The following TJP2 variants were observed in gnomAD, a reference collection of about 807,000 sequenced individuals.
The protein encoded by TJP2 is tight junction protein 2.
In TJP2, 91 loss-of-function variants were observed where a neutral mutation model predicts 133.1. That is an observed-to-expected ratio of 0.68 (90% CI 0.58 to 0.81). The LOEUF (loss-of-function observed/expected upper bound fraction) is 0.81. TJP2 is among the 40% of genes least tolerant of loss of function. The probability of loss-of-function intolerance (pLI) is 0.00; values close to 1 mark genes in which losing one functional copy is unlikely to be tolerated. For missense variants in TJP2, 1,541 were observed against 1,565.6 expected, an observed-to-expected ratio of 0.98 and a Z score of 0.26; for synonymous variants, 592 against 583.4, an observed-to-expected ratio of 1.01 and a Z score of -0.21.
chr9:69,238,034 G>A, intron 15 of TJP2, 61 bp downstream of exon 15: 1 of 1,233,298 alleles, frequency 8.1e-7, no homozygotes, highest in Non-Finnish European at 1.2e-6. Context: ...TCTAACAGAG[G>A]AGTTGGAAGA....
intron 1 of TJP2, among the ~76,000 whole-genome samples, chr9:69,191,448 G>A (rs1415297950): frequency 1.3e-5 from 2 of 152,232 alleles, no homozygotes; most frequent in Non-Finnish European, 2.9e-5. Context: ...AAACTTCAGA[G>A]TAACAATAAA....
chr9:69,205,624 CTTA>C (rs897222086), intron 1 of TJP2, among the ~76,000 whole-genome samples: 2 of 152,194 alleles, frequency 1.3e-5, no homozygotes, highest in African/African-American at 4.8e-5. Context: ...AATCTATATT[CTTA>C]TTATGTCTAG....
At chr9:69,218,970 A>ATTTTT (rs749157849) in intron 4 of TJP2, among the ~76,000 whole-genome samples, 1 of 59,774 alleles carries the variant, frequency 1.7e-5, no homozygotes, top group African/African-American at 6.4e-5. Context: ...GTGTGTGTGT[A>ATTTTT]TTTTTTTTTT....
At chr9:69,124,022 C>T (rs1422679226) in intron 1 of TJP2, among the ~76,000 whole-genome samples, 1 of 74,944 alleles carries the variant, frequency 1.3e-5, no homozygotes, top group African/African-American at 4.1e-5. Context: ...CACCCGCCAC[C>T]ACGCCCGGCT....
chr9:69,229,854 T>C (rs1829635360), intron 10 of TJP2, among the ~76,000 whole-genome samples: 2 of 152,356 alleles, frequency 1.3e-5, no homozygotes, highest in South Asian at 4.1e-4. Context: ...GTAAAGATTC[T>C]ATAATTCTAT....
intron 1 of TJP2, among the ~76,000 whole-genome samples, chr9:69,207,233 A>C (rs1827503386): frequency 1.3e-5 from 2 of 152,242 alleles, no homozygotes; most frequent in African/African-American, 4.8e-5. Context: ...TTGTAAATGT[A>C]CAGTTCAGTA....
intron 1 of TJP2, among the ~76,000 whole-genome samples, chr9:69,132,738 G>T (rs1349903202): frequency 6.6e-6 from 1 of 152,192 alleles, no homozygotes; most frequent in Non-Finnish European, 1.5e-5. Flanking sequence ...TAGAGGGAAT[G>T]AATGAGGAAA....
At chr9:69,182,492 GA>G (rs1353071756) in intron 1 of TJP2, among the ~76,000 whole-genome samples, 1 of 152,186 alleles carries the variant, frequency 6.6e-6, no homozygotes, top group Admixed American at 6.5e-5. Flanking sequence ...AGGTCTGAGA[GA>G]AATATTTAGT....
At chr9:69,164,920 C>T (rs2132873652) in intron 2 of TJP2, among the ~76,000 whole-genome samples, 1 of 152,138 alleles carries the variant, frequency 6.6e-6, no homozygotes, top group East Asian at 1.9e-4. Context: ...AACTCCGCCT[C>T]CCAGGTTCAA....
At chr9:69,139,977 C>T (rs1003542895) in intron 1 of TJP2, among the ~76,000 whole-genome samples, 1 of 152,150 alleles carries the variant, frequency 6.6e-6, no homozygotes, top group African/African-American at 2.4e-5. Flanking sequence ...AGTAGGCGAC[C>T]GCTGCCGTGA....
At chr9:69,144,301 C>G (rs1823124855) in intron 1 of TJP2, among the ~76,000 whole-genome samples, 1 of 152,128 alleles carries the variant, frequency 6.6e-6, no homozygotes, top group Non-Finnish European at 1.5e-5. Context: ...AAGAAACTTG[C>G]TATTGAGGAA....
chr9:69,220,767 C>T, intron 4 of TJP2, 120 bp from the exon 5 acceptor site: 4 of 941,140 alleles, frequency 4.3e-6, no homozygotes, highest in Non-Finnish European at 6.7e-6. Flanking sequence ...GGAACCTGAA[C>T]CTTAGTGAGT....
chr9:69,214,683 A>T (rs191652593), intron 2 of TJP2, among the ~76,000 whole-genome samples: 1 of 152,088 alleles, frequency 6.6e-6, no homozygotes, highest in Non-Finnish European at 1.5e-5. Context: ...CCTGGCCAAC[A>T]TGGTGAAACC....
At chr9:69,162,905 G>A (rs1034141019) in intron 2 of TJP2, among the ~76,000 whole-genome samples, 1 of 152,102 alleles carries the variant, frequency 6.6e-6, no homozygotes, top group Non-Finnish European at 1.5e-5. Context: ...AAATCCAAAT[G>A]TGTGTTTGTA....
Position 69,225,351 on chromosome 9 carries a change from C to A in TJP2, c.1000C>A (p.Arg334=). ...TCAGATCTTCGTAAAGGAAATGACC[C>A]GAACGGGTCTGGCAACTAAAGATGG... is the stretch of plus-strand genomic sequence containing the variant. ...GSQIFVKEMT[R]TGLATKDGNL... The change falls in exon 6 of 23, where the codon CGA becomes AGA. Residue 334 remains arginine, a synonymous_variant. Transcript: ENST00000377245. 2 of 1,613,874 alleles carry A rather than the reference C, an allele frequency of 1.2e-6. No homozygotes were observed. The highest frequency in any genetic ancestry group is 2.2e-5 in the South Asian group (2 of 91,036).
intron 2 of TJP2, among the ~76,000 whole-genome samples, chr9:69,158,301 C>G (rs1389537060): frequency 3.4e-5 from 4 of 116,198 alleles, no homozygotes; most frequent in African/African-American, 1.3e-4. Flanking sequence ...GCACTCCAGC[C>G]TGAGGGACAG....
chr9:69,205,355 C>A (rs1376543131), intron 1 of TJP2: 1 of 1,493,882 alleles, frequency 6.7e-7, no homozygotes, highest in Non-Finnish European at 8.9e-7. Context: ...CTTCTGGCAT[C>A]TTTCAGCAAC....
chr9:69,204,749 G>GT, intron 1 of TJP2: 1 of 890,754 alleles, frequency 1.1e-6, no homozygotes, highest in Non-Finnish European at 1.3e-6. Flanking sequence ...GTGTGTGTGT[G>GT]TATCAGAGGG....
intron 1 of TJP2, among the ~76,000 whole-genome samples, chr9:69,174,839 T>C (rs983563157): frequency 2.0e-5 from 3 of 151,968 alleles, no homozygotes; most frequent in African/African-American, 7.3e-5. Context: ...TGAGAGAAAC[T>C]GAAAACTCAT....
Sources: gnomAD v4.1 joint callset for allele counts (sites outside exome capture counted in the v4.1 genomes callset) on GRCh38, gnomAD v4.1.1 for gene constraint, MANE v1.5 for transcripts, NCBI Gene and HGNC (gene_info 2026-07-23, HGNC 2026-07-21) for gene names.